The following CAMTA1 variants were observed in gnomAD, a reference collection of about 807,000 sequenced individuals.
CAMTA1 encodes the protein calmodulin-binding transcription activator 1.
A neutral mutation model predicts 170.9 loss-of-function variants in CAMTA1; 27 were observed. The ratio of observed to expected loss-of-function variants is 0.16; its 90% CI spans 0.12 to 0.22. The LOEUF (loss-of-function observed/expected upper bound fraction) is 0.22, where lower values mean the gene tolerates loss of function less well. CAMTA1 is among the 10% of genes least tolerant of loss of function. The pLI, the probability that CAMTA1 is intolerant of heterozygous loss-of-function variation, is 1.00. For missense variants in CAMTA1, 1,619 were observed against 2,217.2 expected (o/e 0.73, Z 5.42); for synonymous variants, 833 against 891.5 (o/e 0.93, Z 1.17).
intron 5 of CAMTA1, among the ~76,000 whole-genome samples, chr1:7,410,286 C>T (rs1380425395): frequency 2.6e-5 from 4 of 152,206 alleles, no homozygotes; most frequent in African/African-American, 9.6e-5. Flanking sequence ...GCATGAGCCC[C>T]CAAAAACTGG....
intron 7 of CAMTA1, among the ~76,000 whole-genome samples, chr1:7,657,362 ACGGGGAGTCAGGTACCGCC>A (rs2095913404): frequency 1.3e-5 from 2 of 152,274 alleles, no homozygotes; most frequent in Admixed American, 1.3e-4. Context: ...CTGCCTGAGA[ACGGGGAGTCAGGTACCGCC>A]CGGTGAGGTA....
At chr1:7,498,358 AGTGTGGATGTGTGTGTAT>A (rs2093875526) in intron 6 of CAMTA1, among the ~76,000 whole-genome samples, 1 of 138,322 alleles carries the variant, frequency 7.2e-6, no homozygotes, top group African/African-American at 2.9e-5. Flanking sequence ...GTGTAGAGTG[AGTGTGGATGTGTGTGTAT>A]GAGTGGATGT....
intron 5 of CAMTA1, among the ~76,000 whole-genome samples, chr1:7,277,312 A>G (rs1168705929): frequency 6.6e-6 from 1 of 152,258 alleles, no homozygotes; most frequent in Non-Finnish European, 1.5e-5. Context: ...CTTAATTTCA[A>G]TACTTAATCT....
chr1:7,573,734 C>G (rs191501880), intron 6 of CAMTA1, among the ~76,000 whole-genome samples: 38 of 152,268 alleles, frequency 2.5e-4, no homozygotes, highest in African/African-American at 8.9e-4. Context: ...TAGGACCACT[C>G]TACCGCAGCA....
intron 5 of CAMTA1, among the ~76,000 whole-genome samples, chr1:7,459,401 C>G (rs947245631): frequency 6.6e-6 from 1 of 152,186 alleles, no homozygotes; most frequent in Non-Finnish European, 1.5e-5. Context: ...CCCTGGGGAG[C>G]AATAGGGCTG....
chr1:7,765,803 G>A (rs2097017505), intron 22 of CAMTA1, among the ~76,000 whole-genome samples: 2 of 152,160 alleles, frequency 1.3e-5, no homozygotes, highest in Admixed American at 1.3e-4. Flanking sequence ...TGGGTGGGCG[G>A]ATCACGAGGT....
At chr1:7,110,878 C>T (rs183836065) in intron 4 of CAMTA1, among the ~76,000 whole-genome samples, 2 of 152,328 alleles carry the variant, frequency 1.3e-5, no homozygotes, top group East Asian at 1.9e-4. Context: ...TGTAACAAAC[C>T]ACTGAGAACT....
chr1:6,811,007 G>C (rs529305042), intron 1 of CAMTA1, among the ~76,000 whole-genome samples: 40 of 152,316 alleles, frequency 2.6e-4, no homozygotes, highest in African/African-American at 8.9e-4. Flanking sequence ...AGTTGGGATA[G>C]TCAGGTGGTG....
intron 5 of CAMTA1, among the ~76,000 whole-genome samples, chr1:7,288,438 G>A (rs1026194031): frequency 1.3e-5 from 2 of 152,162 alleles, no homozygotes; most frequent in African/African-American, 4.8e-5. Context: ...ATAGCCCAAA[G>A]GATACTTAGT....
At position 7,224,250 on chromosome 1, in the gene CAMTA1, A is replaced by G. The variant is rs1431394152; in HGVS notation, c.303-25241A>G. 6.6e-6 allele frequency among the ~76,000 whole-genome samples: 1 copy of G among 152,198 alleles called. No homozygotes were observed. Among genetic ancestry groups the G allele is most frequent in the African/African-American group, 2.4e-5 (1 of 41,458 alleles). On this transcript the variant is annotated intron_variant, in intron 4 of 22. Coordinates refer to ENST00000303635, the MANE Select transcript of CAMTA1 (RefSeq NM_015215.4). The surrounding 1 kb of genome is among the most constrained non-coding windows in gnomAD (Gnocchi z 5.2). The stretch of plus-strand genomic sequence containing the variant: ...TTACTGCAGGAGAGGCTGCAGGCTT[A>G]GCTGGAAACATAATCGCTGCTCAAG...
At chr1:7,646,812 G>C (rs1286411128) in intron 7 of CAMTA1, among the ~76,000 whole-genome samples, 2 of 152,100 alleles carry the variant, frequency 1.3e-5, no homozygotes, top group Admixed American at 1.3e-4. Context: ...TGGAGGCCCT[G>C]TTGAGTTGGG....
chr1:7,020,887 CCT>C (rs1048391632), intron 3 of CAMTA1, among the ~76,000 whole-genome samples: 12 of 152,204 alleles, frequency 7.9e-5, no homozygotes, highest in Non-Finnish European at 1.6e-4. Context: ...CAGGTGATCC[CCT>C]GATTGTCCCC....
Position 7,144,608 on chromosome 1 carries a change from T to C in CAMTA1, c.302+53237T>C, listed in dbSNP as rs1463855193. Among the ~76,000 whole-genome samples the C allele has an allele frequency of 6.6e-6, 1 of 152,206 alleles. No individual in the cohort carries two copies. The highest frequency in any genetic ancestry group is 1.5e-5 in the Non-Finnish European group (1 of 68,038). On this transcript the variant is annotated intron_variant, in intron 4 of 22. Coordinates refer to ENST00000303635, the MANE Select transcript of CAMTA1 (RefSeq NM_015215.4). The surrounding 1 kb of genome is among the most constrained non-coding windows in gnomAD (Gnocchi z 4.0). ...GACTTACTCTCATTTTCAGAACTCGTTACGAGACTTGTTTATACAGATATT... is the reference window on the plus strand; with the variant it reads ...GACTTACTCTCATTTTCAGAACTCGCTACGAGACTTGTTTATACAGATATT...
rs1287756890 is a variant in CAMTA1 at position 7,609,809 on chromosome 1, C to T, written c.511-30591C>T. On this transcript the variant is annotated intron_variant, in intron 6 of 22. Transcript: ENST00000303635. The surrounding 1 kb of genome is among the most constrained non-coding windows in gnomAD (Gnocchi z 4.4). ...TGCCCTCCCGCAGGGCACCTGTGAACACGTGTGAGTGCCAGGAACTGAGGT... is the reference window on the plus strand; with the variant it reads ...TGCCCTCCCGCAGGGCACCTGTGAATACGTGTGAGTGCCAGGAACTGAGGT... 6.6e-6 allele frequency among the ~76,000 whole-genome samples: 1 copy of T among 152,210 alleles called. No homozygotes were observed. The highest frequency in any genetic ancestry group is 1.9e-4 in the East Asian group (1 of 5,188).
chr1:7,351,135 A>G (rs2084638653), intron 5 of CAMTA1, among the ~76,000 whole-genome samples: 1 of 152,238 alleles, frequency 6.6e-6, no homozygotes, highest in South Asian at 2.1e-4. Flanking sequence ...CGTGACCCCC[A>G]GGACTTGACA....
intron 6 of CAMTA1, among the ~76,000 whole-genome samples, chr1:7,581,483 A>C (rs1053899462): frequency 2.0e-5 from 3 of 152,220 alleles, no homozygotes; most frequent in Non-Finnish European, 4.4e-5. Flanking sequence ...ATGGGTTTTT[A>C]ATTTGGAGAA....
At chr1:7,329,339 G>A (rs1483998165) in intron 5 of CAMTA1, among the ~76,000 whole-genome samples, 3 of 152,094 alleles carry the variant, frequency 2.0e-5, no homozygotes, top group Non-Finnish European at 4.4e-5. Context: ...GATGTTGCAG[G>A]TGTGTTCAAA....
intron 3 of CAMTA1, among the ~76,000 whole-genome samples, chr1:7,029,659 T>C (rs752936399): frequency 6.6e-6 from 1 of 152,128 alleles, no homozygotes; most frequent in African/African-American, 2.4e-5. Context: ...TAGAACAATG[T>C]TTCTTGAACT....
chr1:7,229,066 G>GC (rs1469913072), intron 4 of CAMTA1, among the ~76,000 whole-genome samples: 1 of 152,064 alleles, frequency 6.6e-6, no homozygotes, highest in East Asian at 2.0e-4. Context: ...GTGGAGGGGA[G>GC]CCCAGAGGGC....
Sources: allele counts gnomAD v4.1 joint callset (sites outside exome capture counted in the v4.1 genomes callset), GRCh38; gene constraint gnomAD v4.1.1; non-coding constraint Gnocchi (gnomAD v3.1); transcripts MANE v1.5; gene names NCBI Gene and HGNC (gene_info 2026-07-23, HGNC 2026-07-21).